CCDC93: variants seen among roughly 807,000 people sequenced by gnomAD.
The protein encoded by CCDC93 is coiled-coil domain-containing protein 93.
A neutral mutation model predicts 108.2 loss-of-function variants in CCDC93; 61 were observed. That is an observed-to-expected ratio of 0.56 (90% CI 0.46 to 0.70). The LOEUF is 0.70. Ranked by LOEUF, CCDC93 falls within the 30% of genes least tolerant of loss-of-function variation. The pLI is 0.00. For synonymous variants in CCDC93, 276 were observed against 260.4 expected (o/e 1.06, Z -0.58); for missense variants, 685 against 764.2 (o/e 0.90, Z 1.22).
At chr2:118,007,559 C>T (rs1676911095) in intron 2 of CCDC93, among the ~76,000 whole-genome samples, 1 of 152,170 alleles carries the variant, frequency 6.6e-6, no homozygotes, top group Admixed American at 6.5e-5. Context: ...ATCCCAGCTA[C>T]TCGGGAGGCT....
chr2:118,000,970 C>G (rs374515555), intron 3 of CCDC93, 38 bp from the exon 4 acceptor site: 1 of 1,229,704 alleles, frequency 8.1e-7, no homozygotes, highest in Non-Finnish European at 1.2e-6. Flanking sequence ...GTGAGGCATA[C>G]TAAGTAGCCT....
chr2:117,995,609 T>C, intron 5 of CCDC93, 107 bp from the exon 6 acceptor site: 1 of 869,320 alleles, frequency 1.2e-6, no homozygotes, highest in Non-Finnish European at 1.9e-6. Context: ...ATCACTACTT[T>C]GCCTGACGAA....
At chr2:117,988,798 C>T (rs1680393352) in intron 6 of CCDC93, among the ~76,000 whole-genome samples, 1 of 152,198 alleles carries the variant, frequency 6.6e-6, no homozygotes, top group Non-Finnish European at 1.5e-5. Context: ...GGATGGATGG[C>T]AATCATTTCT....
At chr2:117,971,537 T>A (rs1055255289) in intron 11 of CCDC93, among the ~76,000 whole-genome samples, 1 of 152,212 alleles carries the variant, frequency 6.6e-6, no homozygotes, top group African/African-American at 2.4e-5. Context: ...CAGGCACCGT[T>A]TGAGGCATTT....
chr2:118,002,686 T>C (rs1676740508), intron 3 of CCDC93, among the ~76,000 whole-genome samples: 1 of 152,142 alleles, frequency 6.6e-6, no homozygotes, highest in Non-Finnish European at 1.5e-5. Context: ...ATTTGCTGCC[T>C]CTTCCCCCTC....
intron 1 of CCDC93, among the ~76,000 whole-genome samples, chr2:118,010,400 CA>C (rs1433810182): frequency 6.6e-6 from 1 of 151,940 alleles, no homozygotes; most frequent in Non-Finnish European, 1.5e-5. Flanking sequence ...CCTTTGCTAC[CA>C]AAAATAAAAA....
intron 7 of CCDC93, among the ~76,000 whole-genome samples, chr2:117,984,433 G>A (rs1384627606): frequency 6.6e-6 from 1 of 152,172 alleles, no homozygotes; most frequent in Non-Finnish European, 1.5e-5. Context: ...AATCACTCCT[G>A]ATGACAGACA....
At chr2:117,976,546 T>C (rs1342768663) in intron 8 of CCDC93, among the ~76,000 whole-genome samples, 2 of 152,192 alleles carry the variant, frequency 1.3e-5, no homozygotes, top group Admixed American at 1.3e-4. Context: ...CTGATATTAA[T>C]AATAATGTTT....
chr2:117,936,851 T>A, intron 20 of CCDC93, 112 bp from the exon 21 acceptor site: 3 of 815,632 alleles, frequency 3.7e-6, no homozygotes, highest in South Asian at 2.7e-5. Flanking sequence ...AAGGAACACA[T>A]GCCTTGTTTA....
rs183129016 is a variant in CCDC93 at position 117,974,853 on chromosome 2, C to G, written c.798G>C (p.Glu266Asp). ...LMTKMTAMAN[E>D]ESRLTASSVG... ...CACCTCCCCGACTCCCACTCACCTC[C>G]TCATTTGCCATAGCGGTCATCTTGG... The change falls in exon 10 of 24, where the codon GAG becomes GAC. Residue 266 changes from glutamate to aspartate, a missense_variant. Coordinates refer to ENST00000376300, the MANE Select transcript of CCDC93 (RefSeq NM_019044.5). 1.7e-5 allele frequency: 27 copies of G among 1,571,364 alleles called. 1 individual carries two copies. The Admixed American group carries it at 5.0e-4, about 29-fold the overall frequency.
chr2:117,993,675 AC>A (rs1680556903), intron 6 of CCDC93, among the ~76,000 whole-genome samples: 1 of 152,210 alleles, frequency 6.6e-6, no homozygotes, highest in Non-Finnish European at 1.5e-5. Flanking sequence ...ATCATATCCA[AC>A]TAACTGGTTA....
intron 18 of CCDC93, among the ~76,000 whole-genome samples, chr2:117,943,718 T>C (rs1678777467): frequency 6.6e-6 from 1 of 152,236 alleles, no homozygotes; most frequent in African/African-American, 2.4e-5. Context: ...TCTCACAAAC[T>C]GCCGGTTATC....
intron 23 of CCDC93, among the ~76,000 whole-genome samples, chr2:117,928,455 G>C (rs554385478): frequency 6.6e-6 from 1 of 152,280 alleles, no homozygotes; most frequent in South Asian, 2.1e-4. Context: ...CAAAGGACAT[G>C]AACAGACACT....
intron 19 of CCDC93, among the ~76,000 whole-genome samples, chr2:117,940,840 C>T (rs1343356649): frequency 6.6e-6 from 1 of 152,164 alleles, no homozygotes; most frequent in African/African-American, 2.4e-5. Flanking sequence ...TAGAGAAGAA[C>T]AATGAATGAG....
intron 13 of CCDC93, 39 bp from the exon 14 acceptor site, chr2:117,949,434 G>T: frequency 7.0e-7 from 1 of 1,430,008 alleles, no homozygotes; most frequent in Non-Finnish European, 9.8e-7. Flanking sequence ...TGGAGCCTTG[G>T]TAGCAGAGGT....
chr2:117,950,499 C>T (rs1679017407), intron 13 of CCDC93: 1 of 985,330 alleles, frequency 1.0e-6, no homozygotes, highest in Admixed American at 6.1e-5. Context: ...TGCAACCCTC[C>T]ATGCCCAGCT....
At chr2:117,949,236 T>C in intron 14 of CCDC93, 86 bp downstream of exon 14, 1 of 908,444 alleles carries the variant, frequency 1.1e-6, no homozygotes, top group Non-Finnish European at 1.8e-6. Flanking sequence ...GGCTGCTTTG[T>C]TCTGTGTTTA....
chr2:118,014,047 G>A lies in CCDC93; in HGVS notation c.-52C>T, dbSNP rs1316032623. On this transcript the variant is annotated 5_prime_UTR_variant, in exon 1 of 24. Coordinates refer to ENST00000376300, the MANE Select transcript of CCDC93 (RefSeq NM_019044.5). ...GAGCGAAGCCCGCCAAGCGTCCGGA[G>A]GAAGCTGTCCCTGCCGCGGAGCTGC... 12 of 1,574,294 alleles carry A rather than the reference G, an allele frequency of 7.6e-6. No individual in the cohort carries two copies. The highest frequency in any genetic ancestry group is 3.8e-5 in the Admixed American group (2 of 52,980).
At chr2:117,960,595 T>C (rs17583921) in intron 11 of CCDC93, among the ~76,000 whole-genome samples, 10,460 of 152,276 alleles carry the variant, frequency 0.069, 504 homozygotes, top group Admixed American at 0.11. Flanking sequence ...AGCTTTGTTT[T>C]AAAATTATGA....
Sources: gnomAD v4.1 joint callset for allele counts (sites outside exome capture counted in the v4.1 genomes callset) on GRCh38, gnomAD v4.1.1 for gene constraint, MANE v1.5 for transcripts, NCBI Gene and HGNC (gene_info 2026-07-23, HGNC 2026-07-21) for gene names.